Variants in NCOR2 observed in about 807,000 individuals in gnomAD.
NCOR2 encodes the protein CTG repeat protein 26.
Under a neutral mutation model 262.9 loss-of-function variants are expected in NCOR2, and 81 were observed. That is an observed-to-expected ratio of 0.31 (90% confidence interval 0.26 to 0.37). The LOEUF is 0.37. NCOR2 is among the 10% of genes least tolerant of loss of function. NCOR2 has a pLI of 1.00. For synonymous variants in NCOR2, 1,659 were observed against 1,559.3 expected, an observed-to-expected ratio of 1.06 and a Z score of -1.51; for missense variants, 3,385 against 3,621.4, an observed-to-expected ratio of 0.93 and a Z score of 1.68.
intron 7 of NCOR2, among the ~76,000 whole-genome samples, chr12:124,441,798 G>A (rs1194920392): frequency 6.6e-6 from 1 of 152,226 alleles, no homozygotes; most frequent in Non-Finnish European, 1.5e-5. Context: ...CGGAGACCTA[G>A]GGCAGAGCCC....
chr12:124,501,721 C>T (rs141321497), intron 1 of NCOR2, among the ~76,000 whole-genome samples: 54 of 152,334 alleles, frequency 3.5e-4, no homozygotes, highest in African/African-American at 1.3e-3. Flanking sequence ...CTAATGTGAT[C>T]TGCAAAAACC....
At chr12:124,392,611 A>G (rs1350598729) in intron 16 of NCOR2, among the ~76,000 whole-genome samples, 2 of 151,838 alleles carry the variant, frequency 1.3e-5, no homozygotes, top group Non-Finnish European at 2.9e-5. Flanking sequence ...CGCCCACCCC[A>G]CTGTAAGCTC....
rs182445166 is a variant in NCOR2 at position 124,361,094 on chromosome 12, C to A, written c.3100+1032G>T. Among the ~76,000 whole-genome samples, 977 of 143,150 alleles carry A rather than the reference C, an allele frequency of 6.8e-3. 6 individuals carry two copies. The highest frequency in any genetic ancestry group is 0.01 in the Admixed American group (139 of 13,618). The allele number at this position is 143,150 out of a possible 152,430, so 93.9% of individuals were successfully genotyped here. ...CGGAGATTGTGCCACTGCACTCCAA[C>A]CTGGCGAGAGTGACACTCCGTCTCA... On this transcript the variant is annotated intron_variant, in intron 22 of 46. Transcript: ENST00000405201.
At position 124,488,237 on chromosome 12, in the gene NCOR2, C is replaced by T. The variant is rs535792532; in HGVS notation, c.106-1669G>A. Among the ~76,000 whole-genome samples, 5 of 152,202 alleles carry T rather than the reference C, an allele frequency of 3.3e-5. No individual in the cohort carries two copies. In the East Asian group the frequency reaches 5.8e-4, roughly 18 times the overall value. On this transcript the variant is annotated intron_variant, in intron 1 of 46. Transcript: ENST00000405201. ...CCAACAAAATCAGCACATAAGAGCC[C>T]GGGAGCCCAGAGGCCAGGAAGGATG... is the stretch of plus-strand genomic sequence containing the variant.
chr12:124,337,162 TGAG>T, exon 38 of NCOR2: 1 of 1,533,020 alleles, frequency 6.5e-7, no homozygotes, highest in Non-Finnish European at 8.8e-7. Flanking sequence ...GGCGAACGGG[TGAG>T]GAGGTGGAGG....
intron 1 of NCOR2, among the ~76,000 whole-genome samples, chr12:124,526,526 C>A (rs1053136801): frequency 6.6e-6 from 1 of 152,128 alleles, no homozygotes; most frequent in Non-Finnish European, 1.5e-5. Context: ...GGCTGGGCAC[C>A]CTGGAGCTGC....
chr12:124,340,731 C>A, exon 35 of NCOR2: 1 of 1,545,588 alleles, frequency 6.5e-7, no homozygotes. Context: ...AGGTGTGGCA[C>A]TTGGGACAGG....
Position 124,443,985 on chromosome 12 carries a change from C to G in NCOR2, c.815+5830G>C, listed in dbSNP as rs574160876. ...GGTCGCCCAGCTCCCCGTTCCTCAG[C>G]CCCTACTACTCCCTATTGCCTCACA... is the stretch of plus-strand genomic sequence containing the variant. On this transcript the variant is annotated intron_variant, in intron 7 of 46. Transcript: ENST00000405201. This position sits in a 1 kb window ranked among gnomAD's most constrained non-coding sequence, Gnocchi z 4.4. 6.6e-6 allele frequency among the ~76,000 whole-genome samples: 1 copy of G among 152,154 alleles called. No homozygotes were observed. The highest frequency in any genetic ancestry group is 2.4e-5 in the African/African-American group (1 of 41,440).
At chr12:124,325,368 C>T (rs1388978516) in exon 47 of NCOR2, 1 of 919,062 alleles carries the variant, frequency 1.1e-6, no homozygotes, top group Non-Finnish European at 1.4e-6. Context: ...CTCGCTGGGA[C>T]CTGACACCGC....
At chr12:124,515,322 C>T (rs1454781536) in intron 1 of NCOR2, among the ~76,000 whole-genome samples, 3 of 151,326 alleles carry the variant, frequency 2.0e-5, no homozygotes, top group East Asian at 2.0e-4. Flanking sequence ...GAGCTGAGAT[C>T]GTGCCACTGC....
chr12:124,406,590 C>A (rs1176080660), intron 13 of NCOR2, among the ~76,000 whole-genome samples: 2 of 152,186 alleles, frequency 1.3e-5, no homozygotes, highest in Admixed American at 6.5e-5. Flanking sequence ...CTCAAAGGAC[C>A]CCGCCCTCGT....
intron 41 of NCOR2, among the ~76,000 whole-genome samples, chr12:124,333,590 G>C (rs1042728690): frequency 6.6e-6 from 1 of 151,974 alleles, no homozygotes; most frequent in Non-Finnish European, 1.5e-5. Context: ...TTGTACCCCA[G>C]TGCCAGCTAC....
chr12:124,380,500 C>G (rs2040328996), intron 17 of NCOR2, among the ~76,000 whole-genome samples: 1 of 152,244 alleles, frequency 6.6e-6, no homozygotes, highest in Non-Finnish European at 1.5e-5. Context: ...TGGGCCCAGT[C>G]CCAGCCCTGC....
chr12:124,468,369 ACCC>A (rs1304448635), intron 4 of NCOR2, among the ~76,000 whole-genome samples: 1 of 34,112 alleles, frequency 2.9e-5, no homozygotes, highest in Non-Finnish European at 5.4e-5. Context: ...CATCCTCATC[ACCC>A]CCATCATCCT....
intron 4 of NCOR2, among the ~76,000 whole-genome samples, chr12:124,470,408 G>A (rs1336986169): frequency 2.0e-5 from 3 of 152,124 alleles, no homozygotes; most frequent in East Asian, 1.9e-4. Context: ...CAACACAAAT[G>A]TTCAACAGCA....
At chr12:124,461,855 G>C (rs59308739) in intron 5 of NCOR2, among the ~76,000 whole-genome samples, 3,119 of 152,272 alleles carry the variant, frequency 0.02, 101 homozygotes, top group African/African-American at 0.071. Flanking sequence ...GCACCCACAG[G>C]TATACCTGCA....
At chr12:124,527,470 T>C (rs879880711) in intron 1 of NCOR2, among the ~76,000 whole-genome samples, 3 of 151,950 alleles carry the variant, frequency 2.0e-5, no homozygotes, top group African/African-American at 4.8e-5. Flanking sequence ...CAGGCTGGAG[T>C]GCAGTGGCAC....
chr12:124,358,833 C>T lies in NCOR2; in HGVS notation c.3101-2051G>A, dbSNP rs149299770. ...GCTCCACGGCTGACAGCAATGTAAGCGTGTTCACTCATTTATTCTCACAGC... is the reference window on the plus strand; with the variant it reads ...GCTCCACGGCTGACAGCAATGTAAGTGTGTTCACTCATTTATTCTCACAGC... On this transcript the variant is annotated intron_variant, in intron 22 of 46. Coordinates refer to ENST00000405201, the Ensembl canonical transcript of NCOR2. Among the ~76,000 whole-genome samples, 19 of 152,286 alleles carry T rather than the reference C, an allele frequency of 1.2e-4. 1 individual carries two copies. The highest frequency in any genetic ancestry group is 3.9e-4 in the African/African-American group (16 of 41,548).
At chr12:124,499,162 C>T (rs902294448), upstream of NCOR2, among the ~76,000 whole-genome samples, 2 of 152,348 alleles carry the variant, frequency 1.3e-5, no homozygotes, top group Middle Eastern at 6.8e-3. Flanking sequence ...ATCATTTCCT[C>T]AAAGATGGGG....
Sources: gnomAD v4.1 joint callset for allele counts (sites outside exome capture counted in the v4.1 genomes callset) on GRCh38, gnomAD v4.1.1 for gene constraint, Gnocchi (gnomAD v3.1) non-coding constraint, MANE v1.5 for transcripts, NCBI Gene and HGNC (gene_info 2026-07-23, HGNC 2026-07-21) for gene names.